STK32B: variants seen among roughly 807,000 people sequenced by gnomAD.
The protein encoded by STK32B is serine/threonine kinase 32B.
In STK32B, 43 loss-of-function variants were observed where a neutral mutation model predicts 52.6. The ratio of observed to expected loss-of-function variants is 0.82; its 90% CI spans 0.64 to 1.05. STK32B has a LOEUF of 1.05. STK32B is among the 50% of genes least tolerant of loss of function. The probability of loss-of-function intolerance (pLI) is 0.00; values close to 1 mark genes in which losing one functional copy is unlikely to be tolerated. For missense variants in STK32B, 621 were observed against 534.6 expected, an observed-to-expected ratio of 1.16 and a Z score of -1.59; for synonymous variants, 238 against 204.3, an observed-to-expected ratio of 1.17 and a Z score of -1.41.
intron 5 of STK32B, among the ~76,000 whole-genome samples, chr4:5,416,120 GCAAGTACTGACCAAAATTTCCCAAAAAA>G (rs1312849413): frequency 6.6e-6 from 1 of 152,098 alleles, no homozygotes; most frequent in East Asian, 1.9e-4. Context: ...TCCCCAAAAA[GCAAGTACTGACCAAAATTTCCCAAAAAA>G]CAAGTACTGA....
chr4:5,303,120 G>C (rs9685729), intron 3 of STK32B, among the ~76,000 whole-genome samples: 20,908 of 151,384 alleles, frequency 0.14, 2,885 homozygotes, highest in African/African-American at 0.36. Flanking sequence ...TTCACAATTG[G>C]GAATTACGCT....
chr4:5,175,441 CCT>C (rs1719782971), intron 3 of STK32B, among the ~76,000 whole-genome samples: 1 of 152,108 alleles, frequency 6.6e-6, no homozygotes, highest in Non-Finnish European at 1.5e-5. Context: ...GTTTTATCTA[CCT>C]TTGGTCTTTG....
intron 3 of STK32B, among the ~76,000 whole-genome samples, chr4:5,218,946 T>C (rs1409837045): frequency 1.3e-5 from 2 of 151,974 alleles, no homozygotes; most frequent in Non-Finnish European, 2.9e-5. Context: ...CTGAGCTTGT[T>C]TTCTCAGCCA....
intron 1 of STK32B, among the ~76,000 whole-genome samples, chr4:5,062,063 A>G (rs1485407728): frequency 6.6e-6 from 1 of 152,146 alleles, no homozygotes; most frequent in Non-Finnish European, 1.5e-5. Context: ...ATTCCAGTCC[A>G]CCAGAAGCAG....
chr4:5,425,951 G>T (rs745385893), intron 6 of STK32B, among the ~76,000 whole-genome samples: 4 of 152,174 alleles, frequency 2.6e-5, no homozygotes, highest in Non-Finnish European at 5.9e-5. Flanking sequence ...GTGTGTATCA[G>T]TAGTCCCTTC....
chr4:5,498,867 G>T, intron 11 of STK32B, 78 bp from the exon 12 acceptor site: 1 of 1,496,612 alleles, frequency 6.7e-7, no homozygotes, highest in East Asian at 2.4e-5. Flanking sequence ...CAGTTGCCCT[G>T]CCTGCCCAGT....
At chr4:5,440,488 C>G (rs899919244) in intron 6 of STK32B, among the ~76,000 whole-genome samples, 7 of 152,156 alleles carry the variant, frequency 4.6e-5, no homozygotes, top group African/African-American at 1.7e-4. Flanking sequence ...TGCTTATCAG[C>G]TTAAGGAGAT....
intron 4 of STK32B, among the ~76,000 whole-genome samples, chr4:5,373,045 T>C (rs528080085): frequency 6.6e-6 from 1 of 152,196 alleles, no homozygotes; most frequent in South Asian, 2.1e-4. Flanking sequence ...GGGGTCAGCC[T>C]ATAAAGCCAG....
intron 11 of STK32B, among the ~76,000 whole-genome samples, chr4:5,498,371 G>A (rs1385484672): frequency 1.3e-5 from 2 of 151,544 alleles, no homozygotes; most frequent in Non-Finnish European, 2.9e-5. Flanking sequence ...TTTGTAATAG[G>A]ATATTTTGTA....
At chr4:5,055,809 T>C (rs1408855765) in intron 1 of STK32B, among the ~76,000 whole-genome samples, 1 of 152,042 alleles carries the variant, frequency 6.6e-6, no homozygotes, top group Non-Finnish European at 1.5e-5. Context: ...TGTTGACTCA[T>C]TAGACTCTCA....
intron 5 of STK32B, among the ~76,000 whole-genome samples, chr4:5,415,105 A>G (rs1336855764): frequency 6.6e-6 from 1 of 152,192 alleles, no homozygotes; most frequent in Non-Finnish European, 1.5e-5. Flanking sequence ...ATAAGGGAAT[A>G]GGAGGGTGCA....
Position 5,469,823 on chromosome 4 carries a change from G to A in STK32B, c.1106+1753G>A, listed in dbSNP as rs192089828. On this transcript the variant is annotated intron_variant, in intron 11 of 11. Coordinates refer to ENST00000282908, the MANE Select transcript of STK32B (RefSeq NM_018401.3). This position sits in a 1 kb window ranked among gnomAD's most constrained non-coding sequence, Gnocchi z 4.7. ...CTTGGGGAAGACGGGGGCTGATGTC[G>A]TGAGTGGTTTCGGAGCTTATCCCAA... Among the ~76,000 whole-genome samples, 41 of 152,296 alleles carry A rather than the reference G, an allele frequency of 2.7e-4. No homozygotes were observed. The highest frequency in any genetic ancestry group is 6.8e-3 in the Middle Eastern group (2 of 294).
intron 3 of STK32B, among the ~76,000 whole-genome samples, chr4:5,280,456 GTCT>G (rs145068612): frequency 2.4e-3 from 358 of 152,178 alleles, no homozygotes; most frequent in African/African-American, 8.1e-3. Context: ...TCGTCTCCCT[GTCT>G]TCTTCTGATC....
At chr4:5,212,463 T>C (rs923441059) in intron 3 of STK32B, among the ~76,000 whole-genome samples, 4 of 152,180 alleles carry the variant, frequency 2.6e-5, no homozygotes, top group Non-Finnish European at 4.4e-5. Flanking sequence ...GAGGTGACTA[T>C]GTGGATCATG....
At chr4:5,105,664 C>T (rs985284494) in intron 1 of STK32B, among the ~76,000 whole-genome samples, 3 of 151,992 alleles carry the variant, frequency 2.0e-5, no homozygotes, top group Admixed American at 6.5e-5. Context: ...CCCGGGTTCA[C>T]GCCATTCTCC....
At chr4:5,152,572 C>G (rs1189232522) in intron 2 of STK32B, among the ~76,000 whole-genome samples, 1 of 152,240 alleles carries the variant, frequency 6.6e-6, no homozygotes, top group Non-Finnish European at 1.5e-5. Flanking sequence ...GCTTCTGGAG[C>G]CTACTTCCAT....
chr4:5,234,644 C>G (rs1326253450), intron 3 of STK32B, among the ~76,000 whole-genome samples: 1 of 152,212 alleles, frequency 6.6e-6, no homozygotes, highest in Non-Finnish European at 1.5e-5. Context: ...TCTTTTCACT[C>G]TTACAGACTT....
intron 3 of STK32B, among the ~76,000 whole-genome samples, chr4:5,256,006 A>AGT (rs1726269162): frequency 6.6e-6 from 1 of 152,196 alleles, no homozygotes; most frequent in African/African-American, 2.4e-5. Context: ...CATGCCCCAA[A>AGT]GTGCTATATT....
intron 4 of STK32B, among the ~76,000 whole-genome samples, chr4:5,341,051 G>C (rs572001993): frequency 6.6e-6 from 1 of 152,142 alleles, no homozygotes; most frequent in African/African-American, 2.4e-5. Context: ...TGACCACTGA[G>C]CATACAGCTC....
Sources: gnomAD v4.1 joint callset for allele counts (sites outside exome capture counted in the v4.1 genomes callset) on GRCh38, gnomAD v4.1.1 for gene constraint, Gnocchi (gnomAD v3.1) non-coding constraint, MANE v1.5 for transcripts, NCBI Gene and HGNC (gene_info 2026-07-23, HGNC 2026-07-21) for gene names.